The following TAAR5 variants were observed in gnomAD, a reference collection of about 807,000 sequenced individuals.
TAAR5 encodes trace amine associated receptor 5.
TAAR5 carries 27 observed loss-of-function variants against 21.1 expected under a neutral mutation model. That is an observed-to-expected ratio of 1.28 (90% CI 0.94 to 1.76). The LOEUF is 1.76. Among genes scored for constraint, TAAR5 ranks in the 40% most tolerant of loss-of-function variants. The probability of loss-of-function intolerance (pLI) is 0.00; values close to 1 mark genes in which losing one functional copy is unlikely to be tolerated. For synonymous variants in TAAR5, 203 were observed against 167.5 expected, an observed-to-expected ratio of 1.21 and a Z score of -1.64; for missense variants, 495 against 405.6, an observed-to-expected ratio of 1.22 and a Z score of -1.89.
At position 132,589,556 on chromosome 6, in the gene TAAR5, C is replaced by A. The variant is rs2099829731; in HGVS notation, c.131G>T (p.Gly44Val). 2 of 1,613,702 alleles carry A rather than the reference C, an allele frequency of 1.2e-6. No individual in the cohort carries two copies. The highest frequency in any genetic ancestry group is 2.7e-5 in the African/African-American group (2 of 74,832). ...ATTCCCTAGCACGATAATCAGCATG[C>A]CTGCTGCACAGGCCAGGTAGATGAC... ...QLVIYLACAA[G>V]MLIIVLGNVF... The change falls in exon 1 of 1, where the codon GGC becomes GTC. Residue 44 changes from glycine to valine, a missense_variant. Transcript: ENST00000258034.
chr6:132,614,237 A>T, the TAAR5 span, among the ~76,000 whole-genome samples: 1 of 152,236 alleles, frequency 6.6e-6, no homozygotes, highest in East Asian at 1.9e-4. Flanking sequence ...AATGCCAAAG[A>T]GGAAAGTGCA....
At chr6:132,616,709 T>C in the TAAR5 span, among the ~76,000 whole-genome samples, 1 of 152,246 alleles carries the variant, frequency 6.6e-6, no homozygotes, top group South Asian at 2.1e-4. Flanking sequence ...CCTATCATTT[T>C]TAGTTGCTGA....
upstream of TAAR5, among the ~76,000 whole-genome samples, chr6:132,591,320 C>A (rs1268663740): frequency 6.6e-6 from 1 of 152,146 alleles, no homozygotes; most frequent in Non-Finnish European, 1.5e-5. Context: ...ATCAGTCAAA[C>A]TAAAGTTGTA....
chr6:132,616,101 C>T, the TAAR5 span, among the ~76,000 whole-genome samples: 1 of 152,166 alleles, frequency 6.6e-6, no homozygotes, highest in African/African-American at 2.4e-5. Context: ...CAGGACATTA[C>T]ATTTATAGGT....
chr6:132,604,894 A>G, the TAAR5 span, among the ~76,000 whole-genome samples: 1 of 152,160 alleles, frequency 6.6e-6, no homozygotes, highest in African/African-American at 2.4e-5. Flanking sequence ...CCGCCACCTC[A>G]ACTAGACCGA....
chr6:132,588,846 T>C lies in TAAR5; in HGVS notation c.841A>G (p.Ile281Val), dbSNP rs764160279. 3.1e-6 allele frequency: 5 copies of C among 1,613,886 alleles called. No individual in the cohort carries two copies. The highest frequency in any genetic ancestry group is 2.7e-5 in the African/African-American group (2 of 74,872). ...ATGTCAAAGACCAGTGGGGGTGTGA[T>C]AAAGTGAAGGAGGCTGTCGACCATC... ...DTMVDSLLHF[I>V]TPPLVFDIFI... The change falls in exon 1 of 1, where the codon ATC (isoleucine) becomes GTC (valine). Residue 281 changes from isoleucine (I) to valine (V), a missense_variant. Physicochemically the swap from Ile to Val is conservative, Grantham distance 29 (BLOSUM62 3). Coordinates refer to ENST00000258034, the MANE Select transcript of TAAR5 (RefSeq NM_003967.3).
At chr6:132,601,159 A>AAGAAGGAAGGAGGGAAGGAG in the TAAR5 span, among the ~76,000 whole-genome samples, 1 of 148,548 alleles carries the variant, frequency 6.7e-6, no homozygotes. Flanking sequence ...GAAGGAGGGA[A>AAGAAGGAAGGAGGGAAGGAG]GGAAAGAAGG....
chr6:132,607,200 C>CA, the TAAR5 span, among the ~76,000 whole-genome samples: 13 of 151,984 alleles, frequency 8.6e-5, no homozygotes, highest in Non-Finnish European at 1.5e-4. Context: ...GTCTCAAAAA[C>CA]AAACATACAA....
upstream of TAAR5, among the ~76,000 whole-genome samples, chr6:132,590,780 G>T (rs1288329374): frequency 4.6e-5 from 7 of 152,114 alleles, no homozygotes; most frequent in Non-Finnish European, 7.4e-5. Flanking sequence ...ATTTAAAGAC[G>T]GTGGATGTAT....
chr6:132,590,764 G>A (rs547916941), upstream of TAAR5, among the ~76,000 whole-genome samples: 1 of 152,292 alleles, frequency 6.6e-6, no homozygotes, highest in Admixed American at 6.5e-5. Context: ...ATTAATTAGA[G>A]ATAAAATTTA....
chr6:132,597,663 A>T, the TAAR5 span, among the ~76,000 whole-genome samples: 4 of 152,300 alleles, frequency 2.6e-5, no homozygotes, highest in African/African-American at 4.8e-5. Context: ...TTTACCAATA[A>T]CATTTCCCCC....
chr6:132,592,442 GAGAGCACA>G (rs1343903021), upstream of TAAR5, among the ~76,000 whole-genome samples: 1 of 152,220 alleles, frequency 6.6e-6, no homozygotes, highest in Non-Finnish European at 1.5e-5. Flanking sequence ...GCCTGCCTTT[GAGAGCACA>G]TAGGACAGAA....
the TAAR5 span, among the ~76,000 whole-genome samples, chr6:132,613,158 G>A: frequency 6.6e-6 from 1 of 152,156 alleles, no homozygotes; most frequent in South Asian, 2.1e-4. Context: ...TAGCCTCATC[G>A]TTATCTTAAC....
chr6:132,614,903 C>T, the TAAR5 span, among the ~76,000 whole-genome samples: 12 of 152,080 alleles, frequency 7.9e-5, no homozygotes, highest in Admixed American at 1.3e-4. Context: ...CTCACTCTGT[C>T]GCCAGGCTGG....
At chr6:132,615,142 A>C in the TAAR5 span, among the ~76,000 whole-genome samples, 42 of 152,128 alleles carry the variant, frequency 2.8e-4, no homozygotes, top group Middle Eastern at 3.4e-3. Context: ...GATTACAGGC[A>C]TCTCTGTGTG....
the TAAR5 span, among the ~76,000 whole-genome samples, chr6:132,600,945 GA>G: frequency 9.4e-5 from 7 of 74,768 alleles, no homozygotes; most frequent in African/African-American, 2.5e-4. Context: ...GGGAAGGAGG[GA>G]AAGAAAGAAG....
the TAAR5 span, chr6:132,609,068 G>C: frequency 2.2e-6 from 1 of 453,002 alleles, no homozygotes; most frequent in African/African-American, 2.0e-5. Context: ...GCCATGGAGA[G>C]GATCAGAAAG....
the TAAR5 span, among the ~76,000 whole-genome samples, chr6:132,610,621 T>C: frequency 3.3e-5 from 5 of 152,214 alleles, no homozygotes; most frequent in African/African-American, 4.8e-5. Flanking sequence ...AACCTGAATT[T>C]TGCTGGTTAG....
At position 132,589,546 on chromosome 6, in the gene TAAR5, A is replaced by G; in HGVS notation, c.141T>C (p.Ile47=). 6.2e-7 allele frequency: 1 copy of G among 1,613,964 alleles called. No homozygotes were observed. The highest frequency in any genetic ancestry group is 8.5e-7 in the Non-Finnish European group (1 of 1,179,970). Reference sequence around the variant, plus strand: ...CCACAAATACATTCCCTAGCACGATAATCAGCATGCCTGCTGCACAGGCCA... The same window carrying G: ...CCACAAATACATTCCCTAGCACGATGATCAGCATGCCTGCTGCACAGGCCA... ...IYLACAAGML[I]IVLGNVFVAF... Residue 47 remains isoleucine (I), a synonymous_variant, in exon 1 of 1, where the codon ATT becomes ATC. Transcript: ENST00000258034.
Sources: allele counts gnomAD v4.1 joint callset (sites outside exome capture counted in the v4.1 genomes callset), GRCh38; gene constraint gnomAD v4.1.1; transcripts MANE v1.5; gene names NCBI Gene and HGNC (gene_info 2026-07-23, HGNC 2026-07-21).